The following FABP12 variants were observed in gnomAD, a reference collection of about 807,000 sequenced individuals.
FABP12 encodes the protein fatty acid binding protein 12.
In FABP12, 19 loss-of-function variants were observed where a neutral mutation model predicts 13.7. That is an observed-to-expected ratio of 1.39 (90% CI 0.97 to 2.04). FABP12 has a LOEUF of 2.04. Among genes scored for constraint, FABP12 ranks in the 30% most tolerant of loss-of-function variants. The probability of loss-of-function intolerance (pLI) is 0.00; values close to 1 mark genes in which losing one functional copy is unlikely to be tolerated. For missense variants in FABP12, 182 were observed against 164.2 expected (o/e 1.11, Z -0.59); for synonymous variants, 61 against 57.0 (o/e 1.07, Z -0.32).
At chr8:81,536,724 C>T (rs932307246), upstream of FABP12, among the ~76,000 whole-genome samples, 1 of 152,194 alleles carries the variant, frequency 6.6e-6, no homozygotes, top group Non-Finnish European at 1.5e-5. Context: ...ATATAATACA[C>T]AGCTGGAGAA....
chr8:81,557,641 C>A (rs920609810), intron 1 of FABP12, among the ~76,000 whole-genome samples: 2 of 152,270 alleles, frequency 1.3e-5, no homozygotes, highest in Non-Finnish European at 2.9e-5. Flanking sequence ...CAATTAAAAT[C>A]TTTAAGTGTT....
At chr8:81,559,797 A>G (rs1227874863) in intron 1 of FABP12, among the ~76,000 whole-genome samples, 1 of 152,182 alleles carries the variant, frequency 6.6e-6, no homozygotes, top group Non-Finnish European at 1.5e-5. Flanking sequence ...TGGATACAAG[A>G]AGAGGTTAAA....
intron 1 of FABP12, among the ~76,000 whole-genome samples, chr8:81,583,648 A>C (rs1015811075): frequency 1.3e-5 from 2 of 152,186 alleles, no homozygotes; most frequent in Non-Finnish European, 2.9e-5. Flanking sequence ...GTCAGGAAGA[A>C]ATAGAAAACT....
chr8:81,575,845 G>A (rs931602559), intron 1 of FABP12, among the ~76,000 whole-genome samples: 7 of 152,126 alleles, frequency 4.6e-5, no homozygotes, highest in Non-Finnish European at 1.0e-4. Flanking sequence ...ACTGTGAACT[G>A]CTCATGTGAG....
chr8:81,556,510 G>A (rs1164711650), intron 1 of FABP12, among the ~76,000 whole-genome samples: 1 of 151,624 alleles, frequency 6.6e-6, no homozygotes, highest in Non-Finnish European at 1.5e-5. Flanking sequence ...ATTAACATTG[G>A]GGAATAATAA....
At chr8:81,529,722 GT>G in intron 2 of FABP12, 112 bp from the exon 3 acceptor site, 3 of 992,374 alleles carry the variant, frequency 3.0e-6, no homozygotes, top group Non-Finnish European at 2.9e-6. Context: ...AACATTATCT[GT>G]ATAATTCTTT....
intron 4 of FABP12, chr8:81,526,233 A>C (rs1808895781): frequency 1.3e-5 from 2 of 152,198 alleles, no homozygotes; most frequent in African/African-American, 2.4e-5. Flanking sequence ...GAACTATTTT[A>C]TATTATGTAG....
intron 1 of FABP12, among the ~76,000 whole-genome samples, chr8:81,546,653 C>T (rs1158100714): frequency 6.6e-6 from 1 of 152,094 alleles, no homozygotes; most frequent in Non-Finnish European, 1.5e-5. Context: ...GAGACTCCGT[C>T]TCAAAATAAA....
chr8:81,537,589 C>T (rs1219013778), upstream of FABP12, among the ~76,000 whole-genome samples: 2 of 152,136 alleles, frequency 1.3e-5, no homozygotes, highest in East Asian at 1.9e-4. Flanking sequence ...CAAAAATTAG[C>T]GACCTAAATA....
At chr8:81,542,806 T>C (rs1213764425) in intron 1 of FABP12, among the ~76,000 whole-genome samples, 1 of 152,192 alleles carries the variant, frequency 6.6e-6, no homozygotes, top group Non-Finnish European at 1.5e-5. Context: ...TGAGAAAAGA[T>C]TTTCCCACAT....
At chr8:81,549,066 A>AG (rs1384792645) in intron 1 of FABP12, among the ~76,000 whole-genome samples, 1 of 152,164 alleles carries the variant, frequency 6.6e-6, no homozygotes, top group Non-Finnish European at 1.5e-5. Flanking sequence ...CCAAACAACA[A>AG]GGAGTTGTCA....
chr8:81,544,034 A>G (rs1429760597), intron 1 of FABP12, among the ~76,000 whole-genome samples: 6 of 152,206 alleles, frequency 3.9e-5, no homozygotes, highest in Admixed American at 6.5e-5. Context: ...TCAGAAAAAT[A>G]CGTGGTGGTC....
At chr8:81,539,339 GAAT>G (rs1809290020) in intron 2 of FABP12, among the ~76,000 whole-genome samples, 1 of 146,698 alleles carries the variant, frequency 6.8e-6, no homozygotes. Flanking sequence ...ATAAAAGGCT[GAAT>G]AATAATTATA....
chr8:81,531,327 T>A lies in FABP12; in HGVS notation c.-12A>T, dbSNP rs374675729. ...AGCTGGTCAATCATTCTGTCTGAGA[T>A]AAGTTGATCTCAAAGAACAGTAGTT... On this transcript the variant is annotated 5_prime_UTR_variant, in exon 2 of 5. Transcript: ENST00000360464. 2.5e-6 allele frequency: 4 copies of A among 1,584,684 alleles called. No homozygotes were observed. The East Asian group carries it at 9.0e-5, about 36-fold the overall frequency.
At chr8:81,549,698 C>A (rs1302304327) in intron 1 of FABP12, among the ~76,000 whole-genome samples, 1 of 152,162 alleles carries the variant, frequency 6.6e-6, no homozygotes, top group Non-Finnish European at 1.5e-5. Flanking sequence ...ATTTCAAATC[C>A]TTGAGGTACT....
intron 1 of FABP12, among the ~76,000 whole-genome samples, chr8:81,558,070 G>A (rs1809652162): frequency 6.6e-6 from 1 of 152,152 alleles, no homozygotes; most frequent in Non-Finnish European, 1.5e-5. Context: ...TTTCCCTCTA[G>A]GCCAAACAGA....
At chr8:81,565,613 AT>A (rs144148660) in intron 1 of FABP12, among the ~76,000 whole-genome samples, 2,180 of 152,176 alleles carry the variant, frequency 0.014, 42 homozygotes, top group African/African-American at 0.049. Flanking sequence ...AAATTAAAAA[AT>A]GTCTTCAAAC....
At chr8:81,568,831 A>G (rs7012699) in intron 1 of FABP12, among the ~76,000 whole-genome samples, 3 of 152,300 alleles carry the variant, frequency 2.0e-5, no homozygotes, top group Admixed American at 6.5e-5. Context: ...AGTAGAGTAC[A>G]TTATGTTAAG....
rs949926911 is a variant in FABP12 at position 81,579,866 on chromosome 8, T to A, written c.-185+10187A>T. ...TAAAAATGTACAGATATGTCTATTT[T>A]ATTTGCATTTATTCTCTTTCTTTTT... On this transcript the variant is annotated intron_variant, in intron 1 of 5. Transcript: ENST00000692030. 2.0e-5 allele frequency among the ~76,000 whole-genome samples: 3 copies of A among 152,246 alleles called. No homozygotes were observed. In the South Asian group the frequency reaches 6.2e-4, roughly 31 times the overall value.
Sources: gnomAD v4.1 joint callset for allele counts (sites outside exome capture counted in the v4.1 genomes callset) on GRCh38, gnomAD v4.1.1 for gene constraint, MANE v1.5 for transcripts, NCBI Gene and HGNC (gene_info 2026-07-23, HGNC 2026-07-21) for gene names.